SEC24D: variants seen among roughly 807,000 people sequenced by gnomAD.
SEC24D encodes the protein SEC24 homolog D, COPII component, also known as protein transport protein Sec24D.
SEC24D carries 69 observed loss-of-function variants against 116.9 expected under a neutral mutation model. The ratio of observed to expected loss-of-function variants is 0.59; its 90% CI spans 0.49 to 0.72. The LOEUF is 0.72. Among genes scored for constraint, SEC24D ranks in the 30% least tolerant of loss-of-function variants. The pLI is 0.00. For synonymous variants in SEC24D, 405 were observed against 442.8 expected (o/e 0.91, Z 1.07); for missense variants, 1,131 against 1,264.1 (o/e 0.89, Z 1.60).
chr4:118,738,879 G>A (rs147579821), intron 18 of SEC24D, among the ~76,000 whole-genome samples: 67 of 152,222 alleles, frequency 4.4e-4, no homozygotes, highest in Middle Eastern at 3.4e-3. Flanking sequence ...CATAATAAGG[G>A]TCTAAGCATC....
rs111248427 is a variant in SEC24D, at chr4:118,829,812, C to CA, written c.118+3766dup. Among the ~76,000 whole-genome samples the CA allele has an allele frequency of 4.5e-3, 608 of 134,100 alleles. 3 individuals carry two copies. Among genetic ancestry groups the CA allele is most frequent in the African/African-American group, 0.015 (535 of 36,292 alleles). The allele number at this position is 134,100 out of a possible 152,430, so 88.0% of individuals were successfully genotyped here. ...GGGTAATAAGAGCGAAACTCCGTCT[C>CA]AAAAAAAAAAAAGTGTTAGTATACA... On this transcript the variant is annotated intron_variant, in intron 2 of 22. Coordinates refer to ENST00000280551, the MANE Select transcript of SEC24D (RefSeq NM_014822.4).
intron 13 of SEC24D, among the ~76,000 whole-genome samples, chr4:118,751,660 G>A (rs1052770477): frequency 3.3e-5 from 5 of 152,152 alleles, no homozygotes; most frequent in African/African-American, 1.2e-4. Context: ...TCCCATGGCT[G>A]GGGAGGGTGA....
intron 22 of SEC24D, among the ~76,000 whole-genome samples, chr4:118,724,576 TC>T (rs1210175718): frequency 6.6e-6 from 1 of 152,242 alleles, no homozygotes; most frequent in Non-Finnish European, 1.5e-5. Context: ...ATGAATTTTT[TC>T]TTTTTAAATG....
chr4:118,813,593 C>T (rs886067575), intron 6 of SEC24D, among the ~76,000 whole-genome samples: 2 of 152,152 alleles, frequency 1.3e-5, no homozygotes, highest in Non-Finnish European at 2.9e-5. Context: ...AATCCATTAA[C>T]CCACTAATCC....
intron 8 of SEC24D, among the ~76,000 whole-genome samples, chr4:118,788,850 C>T (rs996905311): frequency 2.6e-5 from 4 of 152,166 alleles, no homozygotes; most frequent in Admixed American, 6.5e-5. Flanking sequence ...AATCAACCAC[C>T]ATTCTGTGAT....
chr4:118,757,631 A>T, intron 11 of SEC24D, 90 bp downstream of exon 11: 1 of 1,263,040 alleles, frequency 7.9e-7, no homozygotes, highest in South Asian at 1.4e-5. Context: ...TAGCAAAAAA[A>T]ATCAATTGGT....
At chr4:118,780,062 T>C (rs1016289141) in intron 8 of SEC24D, among the ~76,000 whole-genome samples, 3 of 152,214 alleles carry the variant, frequency 2.0e-5, no homozygotes, top group African/African-American at 7.2e-5. Flanking sequence ...AGCTCCTGGA[T>C]TCATTGATTT....
intron 8 of SEC24D, among the ~76,000 whole-genome samples, chr4:118,794,725 C>A (rs1409849763): frequency 6.6e-6 from 1 of 152,182 alleles, no homozygotes; most frequent in African/African-American, 2.4e-5. Context: ...GATGGCAATA[C>A]ATTTCCTCAA....
At chr4:118,742,380 G>T (rs1363580077) in intron 15 of SEC24D, among the ~76,000 whole-genome samples, 3 of 151,508 alleles carry the variant, frequency 2.0e-5, no homozygotes, top group African/African-American at 7.3e-5. Context: ...AAGTGGGGGG[G>T]GGAAAGCTTC....
At chr4:118,767,664 A>G (rs1394927450) in intron 9 of SEC24D, among the ~76,000 whole-genome samples, 1 of 152,210 alleles carries the variant, frequency 6.6e-6, no homozygotes, top group Non-Finnish European at 1.5e-5. Context: ...AATACGGGAA[A>G]GCCCTTTTTA....
chr4:118,734,104 G>A (rs1230939348), intron 19 of SEC24D, among the ~76,000 whole-genome samples: 1 of 150,320 alleles, frequency 6.7e-6, no homozygotes, highest in East Asian at 1.9e-4. Context: ...ACAAGTCAGT[G>A]AACAAGGACA....
At chr4:118,787,899 C>T (rs1728723350) in intron 8 of SEC24D, among the ~76,000 whole-genome samples, 1 of 152,182 alleles carries the variant, frequency 6.6e-6, no homozygotes, top group Admixed American at 6.5e-5. Flanking sequence ...TGCAGTCTCA[C>T]ACTCCTGAGC....
chr4:118,765,312 A>G (rs1464714427), intron 9 of SEC24D, among the ~76,000 whole-genome samples: 1 of 152,244 alleles, frequency 6.6e-6, no homozygotes, highest in Non-Finnish European at 1.5e-5. Flanking sequence ...TTTGAACTAT[A>G]CTATGAACTA....
chr4:118,815,429 C>T (rs1730098732), intron 5 of SEC24D, 22 bp downstream of exon 5: 2 of 1,612,584 alleles, frequency 1.2e-6, no homozygotes, highest in Non-Finnish European at 1.7e-6. Context: ...CAAAGCCTTC[C>T]CCTGCACCCT....
Position 118,776,272 on chromosome 4 carries a change from T to C in SEC24D, c.1042-7961A>G, listed in dbSNP as rs115574240. Among the ~76,000 whole-genome samples, 18 of 152,218 alleles carry C rather than the reference T, an allele frequency of 1.2e-4. No individual in the cohort carries two copies. The East Asian group carries it at 2.9e-3, about 25-fold the overall frequency. On this transcript the variant is annotated intron_variant, in intron 8 of 22. Transcript: ENST00000280551. The stretch of plus-strand genomic sequence containing the variant: ...ATTCCAAAATATACACTGATAACTA[T>C]ACTAGGAGATTCGTCTCTTGGAATG...
At chr4:118,766,686 G>T (rs1040931377) in intron 9 of SEC24D, 1 of 152,212 alleles carries the variant, frequency 6.6e-6, no homozygotes, top group African/African-American at 2.4e-5. Flanking sequence ...TTCATGGTGG[G>T]TATGATTTTG....
intron 8 of SEC24D, among the ~76,000 whole-genome samples, chr4:118,779,389 A>C (rs2110484547): frequency 6.6e-6 from 1 of 152,244 alleles, no homozygotes; most frequent in East Asian, 1.9e-4. Flanking sequence ...GGTTCTGTTT[A>C]TGTGATGGAT....
At chr4:118,809,329 A>G (rs901400978) in intron 6 of SEC24D, among the ~76,000 whole-genome samples, 8 of 152,160 alleles carry the variant, frequency 5.3e-5, no homozygotes, top group African/African-American at 1.7e-4. Flanking sequence ...AGGAGGGAGG[A>G]AGAGTTTTGA....
Position 118,752,744 on chromosome 4 carries a change from C to T in SEC24D, c.1566G>A (p.Leu522=). 2 of 1,610,612 alleles carry T rather than the reference C, an allele frequency of 1.2e-6. No individual in the cohort carries two copies. Among genetic ancestry groups the T allele is most frequent in the Non-Finnish European group, 1.7e-6 (2 of 1,178,876 alleles). ...CTTGATAGTTGACAAGGAAACCATC[C>T]AACAAAGGAACAAAGACTTCTCCAA... is the stretch of plus-strand genomic sequence containing the variant. The part of the protein sequence containing the change: ...TDVGEVFVPL[L]DGFLVNYQES... The change falls in exon 12 of 23, where the codon TTG becomes TTA. Residue 522 remains leucine (L), a synonymous_variant. Coordinates refer to ENST00000280551, the MANE Select transcript of SEC24D (RefSeq NM_014822.4).
Sources: allele counts gnomAD v4.1 joint callset (sites outside exome capture counted in the v4.1 genomes callset), GRCh38; gene constraint gnomAD v4.1.1; transcripts MANE v1.5; gene names NCBI Gene and HGNC (gene_info 2026-07-23, HGNC 2026-07-21).